DPP6: variants seen among roughly 807,000 people sequenced by gnomAD.
The protein encoded by DPP6 is A-type potassium channel modulatory protein DPP6.
In DPP6, 69 loss-of-function variants were observed where a neutral mutation model predicts 122.6. That is an observed-to-expected ratio of 0.56 (90% CI 0.46 to 0.69). DPP6 has a LOEUF of 0.69. Among genes scored for constraint, DPP6 ranks in the 30% least tolerant of loss-of-function variants. The pLI is 0.00. For synonymous variants in DPP6, 418 were observed against 433.1 expected, an observed-to-expected ratio of 0.97 and a Z score of 0.43; for missense variants, 928 against 1,116.9, an observed-to-expected ratio of 0.83 and a Z score of 2.41.
intron 5 of DPP6, among the ~76,000 whole-genome samples, chr7:154,631,022 G>T (rs1835376551): frequency 6.6e-6 from 1 of 152,196 alleles, no homozygotes; most frequent in Non-Finnish European, 1.5e-5. Context: ...TGAATTTGGG[G>T]TTAAAGTTTG....
rs546683534 is a variant in DPP6 at position 154,677,268 on chromosome 7, C to A, written c.762+7827C>A. On this transcript the variant is annotated intron_variant, in intron 7 of 25. Transcript: ENST00000377770. ...TACGCCAACAGCGAGAGAGCGTGAG[C>A]CTTCCTTTACCTACCCATGAGCATC... 2.0e-5 allele frequency among the ~76,000 whole-genome samples: 3 copies of A among 152,232 alleles called. No homozygotes were observed. The South Asian group carries it at 6.2e-4, about 32-fold the overall frequency.
the DPP6 span, among the ~76,000 whole-genome samples, chr7:153,775,614 G>A: frequency 2.6e-5 from 4 of 151,748 alleles, no homozygotes; most frequent in South Asian, 8.4e-4. Context: ...AGAAATAAAG[G>A]CCTCAAAATT....
At chr7:154,873,897 C>T (rs1804610514) in intron 19 of DPP6, among the ~76,000 whole-genome samples, 1 of 150,604 alleles carries the variant, frequency 6.6e-6, no homozygotes, top group Non-Finnish European at 1.5e-5. Context: ...CACACACGCA[C>T]CCACACACAT....
chr7:153,920,785 T>C (rs1800603111), intron 1 of DPP6, among the ~76,000 whole-genome samples: 1 of 151,964 alleles, frequency 6.6e-6, no homozygotes, highest in African/African-American at 2.4e-5. Flanking sequence ...GGTCTCGAAC[T>C]CCTGACCTCA....
At chr7:154,554,085 G>A (rs1829841998) in intron 4 of DPP6, among the ~76,000 whole-genome samples, 1 of 152,094 alleles carries the variant, frequency 6.6e-6, no homozygotes, top group African/African-American at 2.4e-5. Flanking sequence ...AGTAAATGCA[G>A]TGCTGGGAGC....
At chr7:154,452,415 G>C (rs1331767879) in intron 2 of DPP6, among the ~76,000 whole-genome samples, 1 of 152,200 alleles carries the variant, frequency 6.6e-6, no homozygotes, top group African/African-American at 2.4e-5. Context: ...TTCAACAGTG[G>C]AGAATCCAAG....
intron 3 of DPP6, among the ~76,000 whole-genome samples, chr7:154,534,313 A>C (rs1489641708): frequency 1.3e-5 from 2 of 152,166 alleles, no homozygotes; most frequent in African/African-American, 2.4e-5. Context: ...CTTTCTGCCT[A>C]ACATTGGGAA....
At chr7:153,927,855 G>A (rs1800974204) in intron 1 of DPP6, among the ~76,000 whole-genome samples, 1 of 152,088 alleles carries the variant, frequency 6.6e-6, no homozygotes, top group Non-Finnish European at 1.5e-5. Context: ...TCTTCCTTTG[G>A]TGTTCATCAG....
chr7:154,487,236 T>C (rs545293948), intron 3 of DPP6, among the ~76,000 whole-genome samples: 281 of 152,296 alleles, frequency 1.8e-3, no homozygotes, highest in African/African-American at 6.3e-3. Flanking sequence ...AGGGATCTCA[T>C]GTGAGATGTT....
At chr7:154,742,220 C>G (rs1401226171) in intron 8 of DPP6, among the ~76,000 whole-genome samples, 2 of 152,196 alleles carry the variant, frequency 1.3e-5, no homozygotes, top group South Asian at 2.1e-4. Flanking sequence ...CTCCTTCCTT[C>G]CATTATTCGA....
intron 1 of DPP6, among the ~76,000 whole-genome samples, chr7:154,373,212 A>T (rs1812824951): frequency 6.6e-6 from 1 of 152,258 alleles, no homozygotes. Context: ...GAATGTGAAG[A>T]GCCAGAACTA....
chr7:153,986,821 A>G (rs1286605264), intron 1 of DPP6, among the ~76,000 whole-genome samples: 1 of 152,044 alleles, frequency 6.6e-6, no homozygotes, highest in African/African-American at 2.4e-5. Flanking sequence ...TCTTGAAGCA[A>G]GAAATGTTGA....
the DPP6 span, among the ~76,000 whole-genome samples, chr7:153,777,197 A>G: frequency 2.0e-5 from 3 of 152,238 alleles, no homozygotes; most frequent in Non-Finnish European, 4.4e-5. Context: ...CCACTCTATG[A>G]GTATTATTAG....
At chr7:153,757,139 T>C in the DPP6 span, among the ~76,000 whole-genome samples, 1 of 152,238 alleles carries the variant, frequency 6.6e-6, no homozygotes, top group African/African-American at 2.4e-5. Context: ...GAGGAAGTTA[T>C]GTAATTTCTT....
At chr7:154,473,671 T>C (rs903614103) in intron 2 of DPP6, among the ~76,000 whole-genome samples, 2 of 152,240 alleles carry the variant, frequency 1.3e-5, no homozygotes, top group Non-Finnish European at 2.9e-5. Context: ...ACAGAATTTC[T>C]TTCTGTTTTT....
chr7:154,851,648 G>A (rs565654872), intron 16 of DPP6, among the ~76,000 whole-genome samples: 19 of 152,296 alleles, frequency 1.2e-4, no homozygotes, highest in African/African-American at 4.6e-4. Flanking sequence ...TCACTGGGTA[G>A]GGGGTGCCAT....
intron 1 of DPP6, among the ~76,000 whole-genome samples, chr7:154,064,054 G>GA (rs1410127328): frequency 5.9e-5 from 9 of 152,270 alleles, no homozygotes; most frequent in Admixed American, 5.9e-4. Flanking sequence ...CTAGCAAGCA[G>GA]AGTCCTGGGC....
intron 1 of DPP6, among the ~76,000 whole-genome samples, chr7:154,186,485 G>C (rs1387816875): frequency 6.6e-6 from 1 of 152,252 alleles, no homozygotes; most frequent in East Asian, 1.9e-4. Flanking sequence ...TCCCTCAGTT[G>C]TATTTGGAAG....
At chr7:153,776,223 T>C in the DPP6 span, among the ~76,000 whole-genome samples, 1 of 152,154 alleles carries the variant, frequency 6.6e-6, no homozygotes, top group Admixed American at 6.5e-5. Flanking sequence ...GTGATATGGT[T>C]TGGCTGTGTC....
Sources: gnomAD v4.1 joint callset for allele counts (sites outside exome capture counted in the v4.1 genomes callset) on GRCh38, gnomAD v4.1.1 for gene constraint, MANE v1.5 for transcripts, NCBI Gene and HGNC (gene_info 2026-07-23, HGNC 2026-07-21) for gene names.